Variants in UBE2K observed in about 807,000 individuals in gnomAD.
UBE2K encodes the protein ubiquitin conjugating enzyme E2 K, also known as ubiquitin-conjugating enzyme E2 K.
Under a neutral mutation model 30.0 loss-of-function variants are expected in UBE2K, and 6 were observed. That is an observed-to-expected ratio of 0.20 (90% CI 0.11 to 0.39). UBE2K has a LOEUF of 0.39. Among genes scored for constraint, UBE2K ranks in the 10% least tolerant of loss-of-function variants. UBE2K has a pLI of 1.00. For missense variants in UBE2K, 61 were observed against 241.6 expected, an observed-to-expected ratio of 0.25 and a Z score of 4.96; for synonymous variants, 86 against 83.7, an observed-to-expected ratio of 1.03 and a Z score of -0.15.
At chr4:39,720,320 ATTT>A (rs10716637) in intron 1 of UBE2K, among the ~76,000 whole-genome samples, 1 of 148,542 alleles carries the variant, frequency 6.7e-6, no homozygotes, top group African/African-American at 2.5e-5. Context: ...TGGGAAGGTA[ATTT>A]TTTTTTTTTT....
chr4:39,716,851 A>G (rs553455334), intron 1 of UBE2K, among the ~76,000 whole-genome samples: 1 of 152,072 alleles, frequency 6.6e-6, no homozygotes, highest in Admixed American at 6.5e-5. Flanking sequence ...ACAAAAAATT[A>G]GTAGGGCACA....
At position 39,745,743 on chromosome 4, in the gene UBE2K, T is replaced by C. The variant is rs373370708; in HGVS notation, c.158-9T>C. ...AGCATTCTTAACTTTGTTTTCCCCA[T>C]TTTTTTAGGAGGAAGATACCAACTA... On this transcript the variant is annotated splice_polypyrimidine_tract_variant and intron_variant, in intron 2 of 6. Coordinates refer to ENST00000261427, the MANE Select transcript of UBE2K (RefSeq NM_005339.5). 6.1e-5 allele frequency: 97 copies of C among 1,588,574 alleles called. No individual in the cohort carries two copies. The African/African-American group carries it at 1.2e-3, about 19-fold the overall frequency.
rs1340289038 is a variant in UBE2K at position 39,779,364 on chromosome 4, C to T, written c.*930C>T. 2 of 152,474 alleles carry T rather than the reference C, an allele frequency of 1.3e-5. No individual in the cohort carries two copies. The highest frequency in any genetic ancestry group is 2.9e-5 in the Non-Finnish European group (2 of 68,022). 9.4% of individuals were successfully genotyped at this position (152,474 alleles called of 1,614,324 possible). On this transcript the variant is annotated 3_prime_UTR_variant, in exon 7 of 7. Transcript: ENST00000261427. ...TAGTGATGAAATTTTTCTTTGAGAA[C>T]TGGCAAGGATGCAGTCAGCTGTTTG...
At chr4:39,771,039 G>C in intron 4 of UBE2K, 1 of 1,612,384 alleles carries the variant, frequency 6.2e-7, no homozygotes. Flanking sequence ...CATCCTCTTT[G>C]AGGCCTATTT....
chr4:39,750,379 G>A (rs1721194811), intron 3 of UBE2K, among the ~76,000 whole-genome samples: 1 of 152,154 alleles, frequency 6.6e-6, no homozygotes, highest in African/African-American at 2.4e-5. Context: ...TTGATGCTAT[G>A]CCAATATTGA....
chr4:39,733,340 T>C (rs1463045264), intron 1 of UBE2K, among the ~76,000 whole-genome samples: 1 of 149,632 alleles, frequency 6.7e-6, no homozygotes, highest in Admixed American at 6.7e-5. Context: ...TAATTTTTTT[T>C]TTTTTTTTTT....
At chr4:39,709,944 A>C (rs930978487) in intron 1 of UBE2K, 2 of 152,008 alleles carry the variant, frequency 1.3e-5, no homozygotes, top group Non-Finnish European at 2.9e-5. Context: ...CCCTTTGCAA[A>C]TCCCTTTTTC....
intron 1 of UBE2K, among the ~76,000 whole-genome samples, chr4:39,715,337 T>TG (rs1251693408): frequency 1.3e-5 from 2 of 152,022 alleles, no homozygotes; most frequent in African/African-American, 4.8e-5. Flanking sequence ...CAGCTAATTT[T>TG]TAAAAAAAAT....
rs56104487 is a variant in UBE2K at position 39,713,286 on chromosome 4, A to ATTTTTTTTTTTTTTTTT, written c.63+14912_63+14913insTTTTTTTTTTTTTTTTT. ...TAGTTTTCTCCTTCTTCTGTAGGAA[A>ATTTTTTTTTTTTTTTTT]TTTTTTTTTTTTTTTTGAGACAGTT... On this transcript the variant is annotated intron_variant, in intron 1 of 6. Coordinates refer to ENST00000261427, the MANE Select transcript of UBE2K (RefSeq NM_005339.5). Among the ~76,000 whole-genome samples the ATTTTTTTTTTTTTTTTT allele has an allele frequency of 7.9e-4, 66 of 83,554 alleles. 6 individuals are homozygous for ATTTTTTTTTTTTTTTTT. Among genetic ancestry groups the ATTTTTTTTTTTTTTTTT allele is most frequent in the Non-Finnish European group, 9.5e-4 (45 of 47,462 alleles). 54.8% of individuals were successfully genotyped at this position (83,554 alleles called of 152,430 possible). A position where few individuals can be genotyped will look rare whatever the true frequency, so the allele number is the denominator to read the frequency against.
intron 3 of UBE2K, among the ~76,000 whole-genome samples, chr4:39,749,672 C>T (rs1011909073): frequency 6.6e-6 from 1 of 151,250 alleles, no homozygotes; most frequent in Non-Finnish European, 1.5e-5. Context: ...GAGTAAGACT[C>T]TGTCTCAAAA....
At chr4:39,706,486 T>TC (rs1255525235) in intron 1 of UBE2K, among the ~76,000 whole-genome samples, 4 of 151,144 alleles carry the variant, frequency 2.6e-5, no homozygotes, top group Admixed American at 2.0e-4. Flanking sequence ...TTTTTTTTTT[T>TC]TTCCCAGATG....
chr4:39,718,254 T>C (rs1719214539), intron 1 of UBE2K, among the ~76,000 whole-genome samples: 1 of 152,180 alleles, frequency 6.6e-6, no homozygotes, highest in Non-Finnish European at 1.5e-5. Flanking sequence ...ACAAAAGTTC[T>C]CCATGTTCTC....
chr4:39,754,036 AAGAG>A lies in UBE2K; in HGVS notation c.217-1612_217-1609del, dbSNP rs201823769. On this transcript the variant is annotated intron_variant, in intron 3 of 6. Coordinates refer to ENST00000261427, the MANE Select transcript of UBE2K (RefSeq NM_005339.5). ...AGCGCGAGACTCCTTCTCAAAAAAA[AAGAG>A]AGAGAGAGTGGGCCCACATGAAGGG... 7.2e-5 allele frequency among the ~76,000 whole-genome samples: 11 copies of A among 152,298 alleles called. No homozygotes were observed. In the East Asian group the frequency reaches 1.4e-3, roughly 19 times the overall value.
intron 4 of UBE2K, among the ~76,000 whole-genome samples, chr4:39,764,216 A>G (rs1361651521): frequency 1.3e-5 from 2 of 152,180 alleles, no homozygotes; most frequent in Non-Finnish European, 2.9e-5. Flanking sequence ...TTAGCTGGGC[A>G]TGGTGTTGCG....
chr4:39,707,932 T>C (rs1448015331), intron 1 of UBE2K, among the ~76,000 whole-genome samples: 1 of 151,984 alleles, frequency 6.6e-6, no homozygotes, highest in African/African-American at 2.4e-5. Flanking sequence ...GTTTTGCTCT[T>C]GTTGCCCAGG....
chr4:39,751,323 T>C (rs1037611442), intron 3 of UBE2K, among the ~76,000 whole-genome samples: 1 of 152,182 alleles, frequency 6.6e-6, no homozygotes, highest in Admixed American at 6.5e-5. Flanking sequence ...GGGTCTTGGC[T>C]TTTTTCCTAT....
At chr4:39,718,853 TGCGCA>T (rs1208903335) in intron 1 of UBE2K, among the ~76,000 whole-genome samples, 1 of 152,248 alleles carries the variant, frequency 6.6e-6, no homozygotes, top group Non-Finnish European at 1.5e-5. Flanking sequence ...GCAAACGCCG[TGCGCA>T]GCCCCGGTTC....
At chr4:39,729,645 A>C (rs959316352) in intron 1 of UBE2K, among the ~76,000 whole-genome samples, 1 of 152,064 alleles carries the variant, frequency 6.6e-6, no homozygotes, top group African/African-American at 2.4e-5. Flanking sequence ...TACTCCAGCC[A>C]GGTGATCTCT....
chr4:39,760,196 A>AAAAAAAAAAAAAAAAAAAAAG (rs1711827460), intron 4 of UBE2K, among the ~76,000 whole-genome samples: 1 of 7,918 alleles, frequency 1.3e-4, no homozygotes, highest in Non-Finnish European at 2.5e-4. Flanking sequence ...AAAAAAACAG[A>AAAAAAAAAAAAAAAAAAAAAG]AAAAAAAAAA....
Sources: gnomAD v4.1 joint callset for allele counts (sites outside exome capture counted in the v4.1 genomes callset) on GRCh38, gnomAD v4.1.1 for gene constraint, MANE v1.5 for transcripts, NCBI Gene and HGNC (gene_info 2026-07-23, HGNC 2026-07-21) for gene names.